The following ZNF800 variants were observed in gnomAD, a reference collection of about 807,000 sequenced individuals.
ZNF800 encodes zinc finger protein 800.
In ZNF800, 13 loss-of-function variants were observed where a neutral mutation model predicts 59.5. The ratio of observed to expected loss-of-function variants is 0.22; its 90% CI spans 0.14 to 0.35. ZNF800 has a LOEUF of 0.35. Among genes scored for constraint, ZNF800 ranks in the 10% least tolerant of loss-of-function variants. ZNF800 has a pLI of 1.00. For missense variants in ZNF800, 621 were observed against 783.7 expected (o/e 0.79, Z 2.48); for synonymous variants, 266 against 265.7 (o/e 1.00, Z -0.01).
intron 1 of ZNF800, chr7:127,364,292 A>C (rs1800457821): frequency 6.6e-6 from 1 of 152,154 alleles, no homozygotes; most frequent in African/African-American, 2.4e-5. Flanking sequence ...AAAAAATTAC[A>C]GGTAGTTCAC....
intron 3 of ZNF800, among the ~76,000 whole-genome samples, chr7:127,384,251 T>TTTTTTTTTTTTTTTTTTTG: frequency 7.5e-6 from 1 of 134,014 alleles, no homozygotes; most frequent in Non-Finnish European, 1.6e-5. Context: ...TTTTTTTTTT[T>TTTTTTTTTTTTTTTTTTTG]TAGACAGAGT....
rs1800832211 is a variant in ZNF800, at chr7:127,377,937, G to GCC, written c.158-609_158-608insGG. ...GCTATTTAGCGTGATTCTCTACGAA[G>GCC]TAGAGAATCTTTGTCTATACTGAGA... On this transcript the variant is annotated intron_variant, in intron 3 of 5. Coordinates refer to ENST00000265827, the MANE Select transcript of ZNF800 (RefSeq NM_176814.5). This position sits in a 1 kb window ranked among gnomAD's most constrained non-coding sequence, Gnocchi z 4.7. Among the ~76,000 whole-genome samples the GCC allele has an allele frequency of 6.6e-6, 1 of 152,012 alleles. No homozygotes were observed. The highest frequency in any genetic ancestry group is 1.5e-5 in the Non-Finnish European group (1 of 67,932).
At position 127,392,526 on chromosome 7, in the gene ZNF800, A is replaced by G. The variant is rs2269728; in HGVS notation, c.-525T>C. The G allele has an allele frequency of 0.64, 201,765 of 316,950 alleles. 65,425 individuals are homozygous for G. Among genetic ancestry groups the G allele is most frequent in the East Asian group, 0.88 (17,889 of 20,244 alleles). The allele number at this position is 316,950 out of a possible 1,614,324, so 19.6% of individuals were successfully genotyped here. On this transcript the variant is annotated 5_prime_UTR_variant, in exon 1 of 6. Coordinates refer to ENST00000265827, the MANE Select transcript of ZNF800 (RefSeq NM_176814.5). ...CTCAGGCTTTAGGAGAGGGGCGGAGAAAAATGGGGGTCTCCCCCAACCTTG... is the reference window on the plus strand; with the variant it reads ...CTCAGGCTTTAGGAGAGGGGCGGAGGAAAATGGGGGTCTCCCCCAACCTTG...
Position 127,384,060 on chromosome 7 carries a change from A to G in ZNF800, c.157+2000T>C, listed in dbSNP as rs929367138. 2.0e-5 allele frequency among the ~76,000 whole-genome samples: 3 copies of G among 152,010 alleles called. No individual in the cohort carries two copies. The South Asian group carries it at 6.2e-4, about 32-fold the overall frequency. ...AGAGAACAGATATGATCACAACATA[A>G]TAAGAAAATAATTAATTTAATCTTT... On this transcript the variant is annotated intron_variant, in intron 3 of 5. Transcript: ENST00000265827.
At chr7:127,347,770 G>C (rs1035645163) in exon 2 of ZNF800, 1 of 152,102 alleles carries the variant, frequency 6.6e-6, no homozygotes, top group Non-Finnish European at 1.5e-5. Context: ...ACGGCTGGTC[G>C]GCCCGTGGAG....
At chr7:127,355,046 A>G (rs1320149964) in intron 1 of ZNF800, among the ~76,000 whole-genome samples, 10 of 152,210 alleles carry the variant, frequency 6.6e-5, no homozygotes, top group Admixed American at 1.3e-4. Context: ...GTTATTGAGT[A>G]AATATTAAAT....
intron 3 of ZNF800, among the ~76,000 whole-genome samples, chr7:127,379,444 C>CA (rs1480528860): frequency 6.6e-6 from 1 of 151,974 alleles, no homozygotes; most frequent in East Asian, 1.9e-4. Flanking sequence ...TAAGGATAGT[C>CA]AAAAAAGATT....
intron 2 of ZNF800, among the ~76,000 whole-genome samples, chr7:127,387,005 C>T (rs765977591): frequency 1.3e-5 from 2 of 151,994 alleles, no homozygotes; most frequent in Non-Finnish European, 2.9e-5. Context: ...CACTTTAATG[C>T]TGCTTCAGAG....
At chr7:127,356,698 T>C (rs1800277862) in intron 1 of ZNF800, among the ~76,000 whole-genome samples, 1 of 151,978 alleles carries the variant, frequency 6.6e-6, no homozygotes, top group South Asian at 2.1e-4. Context: ...CTAATACCCA[T>C]CACTGATTAA....
At chr7:127,383,317 A>T (rs1265023567) in intron 3 of ZNF800, among the ~76,000 whole-genome samples, 1 of 152,256 alleles carries the variant, frequency 6.6e-6, no homozygotes, top group African/African-American at 2.4e-5. Context: ...AGATAAAGGT[A>T]GATAACCTAA....
chr7:127,343,591 A>C (rs1239991391), downstream of ZNF800, among the ~76,000 whole-genome samples: 2 of 152,026 alleles, frequency 1.3e-5, no homozygotes, highest in Non-Finnish European at 2.9e-5. Flanking sequence ...GTTATGGGTG[A>C]GTTTCTCCAG....
chr7:127,381,803 G>A (rs1002785076), intron 3 of ZNF800, among the ~76,000 whole-genome samples: 2 of 151,926 alleles, frequency 1.3e-5, no homozygotes, highest in Non-Finnish European at 1.5e-5. Context: ...GCCATCATAG[G>A]TATGGCACTC....
chr7:127,356,539 T>A (rs1346327240), intron 1 of ZNF800, among the ~76,000 whole-genome samples: 1 of 151,756 alleles, frequency 6.6e-6, no homozygotes, highest in Non-Finnish European at 1.5e-5. Flanking sequence ...TTTACTGGGG[T>A]GTGAATGAGA....
chr7:127,392,457 C>A lies in ZNF800; in HGVS notation c.-456G>T. The A allele has an allele frequency of 2.7e-6, 1 of 370,272 alleles. No homozygotes were observed. The highest frequency in any genetic ancestry group is 4.8e-6 in the Non-Finnish European group (1 of 208,088). 22.9% of individuals were successfully genotyped at this position (370,272 alleles called of 1,614,324 possible). A position where few individuals can be genotyped will look rare whatever the true frequency, so the allele number is the denominator to read the frequency against. On this transcript the variant is annotated 5_prime_UTR_variant, in exon 1 of 6. Transcript: ENST00000265827. ...TCCCTCGCCGGGGCAACGGCTGCCG[C>A]CGCAACCCGGGTCCCACCAGCGCCG...
chr7:127,368,110 GATTTCTATT>G (rs1366048522), downstream of ZNF800, among the ~76,000 whole-genome samples: 1 of 152,082 alleles, frequency 6.6e-6, no homozygotes, highest in Non-Finnish European at 1.5e-5. Flanking sequence ...TGGTACTAAT[GATTTCTATT>G]AAACTAGAAG....
At chr7:127,387,931 C>T (rs946377899) in intron 2 of ZNF800, among the ~76,000 whole-genome samples, 6 of 147,280 alleles carry the variant, frequency 4.1e-5, no homozygotes, top group Non-Finnish European at 8.8e-5. Flanking sequence ...CACACACACA[C>T]ACACACACAC....
At chr7:127,345,997 G>A (rs982749220), downstream of ZNF800, among the ~76,000 whole-genome samples, 3 of 152,274 alleles carry the variant, frequency 2.0e-5, no homozygotes, top group Admixed American at 2.0e-4. Flanking sequence ...AGAGGAGGCA[G>A]GATTGATGAT....
downstream of ZNF800, among the ~76,000 whole-genome samples, chr7:127,367,062 G>A (rs1800524114): frequency 6.6e-6 from 1 of 152,084 alleles, no homozygotes; most frequent in African/African-American, 2.4e-5. Context: ...GTCTGAAAAG[G>A]GCTAATAGCA....
chr7:127,374,257 T>C lies in ZNF800; in HGVS notation c.1079A>G (p.Lys360Arg). ...SKAEYNLTAC[K>R]CLLCKRKYSS... is the part of the protein sequence containing the mutation. ...ATATTTCCTCTTGCAAAGGAGGCAT[T>C]TGCATGCAGTTAAATTGTATTCAGC... is the stretch of plus-strand genomic sequence containing the variant. Residue 360 changes from lysine to arginine, a missense_variant, in exon 5 of 6, where the codon AAA (lysine) becomes AGA (arginine). Coordinates refer to ENST00000265827, the MANE Select transcript of ZNF800 (RefSeq NM_176814.5). 6.2e-7 allele frequency: 1 copy of C among 1,614,006 alleles called. No homozygotes were observed. Among genetic ancestry groups the C allele is most frequent in the Non-Finnish European group, 8.5e-7 (1 of 1,179,978 alleles).
Sources: allele counts gnomAD v4.1 joint callset (sites outside exome capture counted in the v4.1 genomes callset), GRCh38; gene constraint gnomAD v4.1.1; non-coding constraint Gnocchi (gnomAD v3.1); transcripts MANE v1.5; gene names NCBI Gene and HGNC (gene_info 2026-07-23, HGNC 2026-07-21).